UBE3D: variants seen among roughly 807,000 people sequenced by gnomAD.
UBE3D encodes the protein E3 ubiquitin-protein ligase E3D.
A neutral mutation model predicts 49.6 loss-of-function variants in UBE3D; 48 were observed. The ratio of observed to expected loss-of-function variants is 0.97; its 90% confidence interval spans 0.77 to 1.23. The LOEUF (loss-of-function observed/expected upper bound fraction) is 1.23. Ranked by LOEUF, UBE3D falls within the 50% of genes most tolerant of loss-of-function variation. The probability of loss-of-function intolerance (pLI) is 0.00; values close to 1 mark genes in which losing one functional copy is unlikely to be tolerated. For synonymous variants in UBE3D, 189 were observed against 174.2 expected, an observed-to-expected ratio of 1.08 and a Z score of -0.67; for missense variants, 452 against 468.4, an observed-to-expected ratio of 0.96 and a Z score of 0.32.
At chr6:83,018,693 C>G (rs1780863871) in intron 8 of UBE3D, 1 of 333,268 alleles carries the variant, frequency 3.0e-6, no homozygotes, top group Non-Finnish European at 5.4e-6. Flanking sequence ...ATATTCATCA[C>G]TGTTGAAGTC....
intron 1 of UBE3D, among the ~76,000 whole-genome samples, chr6:83,062,079 T>C (rs1190209693): frequency 6.6e-6 from 1 of 152,188 alleles, no homozygotes; most frequent in African/African-American, 2.4e-5. Flanking sequence ...CAAATATATA[T>C]TTATTTTGTA....
chr6:82,941,016 G>A (rs12195171), intron 9 of UBE3D, among the ~76,000 whole-genome samples: 24,363 of 152,002 alleles, frequency 0.16, 1,992 homozygotes, highest in South Asian at 0.17. Flanking sequence ...AGTTCAAGAC[G>A]AGCCTGGCCA....
downstream of UBE3D, among the ~76,000 whole-genome samples, chr6:82,890,945 T>C (rs1264695401): frequency 6.6e-6 from 1 of 152,192 alleles, no homozygotes; most frequent in African/African-American, 2.4e-5. Flanking sequence ...ATGCACAGGC[T>C]GAACTCTGCT....
At position 82,898,440 on chromosome 6, in the gene UBE3D, G is replaced by C. The variant is rs564946339; in HGVS notation, c.1150-5398C>G. Among the ~76,000 whole-genome samples, 33 of 152,266 alleles carry C rather than the reference G, an allele frequency of 2.2e-4. No individual in the cohort carries two copies. In the South Asian group the frequency reaches 6.8e-3, roughly 32 times the overall value. On this transcript the variant is annotated intron_variant, in intron 9 of 9. Transcript: ENST00000369747. ...CTTGGAACCAACACAAATGCCCATT[G>C]ATGATAGACTGAATAAAGAAAATGT... is the stretch of plus-strand genomic sequence containing the variant.
chr6:82,892,894 G>A lies in UBE3D; in HGVS notation c.*128C>T, dbSNP rs1320050135. On this transcript the variant is annotated 3_prime_UTR_variant, in exon 10 of 10. Coordinates refer to ENST00000369747, the MANE Select transcript of UBE3D (RefSeq NM_198920.3). ...AAACAAGTAAACTTAAAACTTCAAT[G>A]CAATGCTCTTATCCCATAGCTCTGG... 2.8e-6 allele frequency: 3 copies of A among 1,086,476 alleles called. No individual in the cohort carries two copies. The highest frequency in any genetic ancestry group is 1.7e-5 in the Admixed American group (1 of 58,316). The allele number at this position is 1,086,476 out of a possible 1,614,324, so 67.3% of individuals were successfully genotyped here. A position where few individuals can be genotyped will look rare whatever the true frequency, so the allele number is the denominator to read the frequency against.
At chr6:82,977,277 T>A (rs117308968) in intron 8 of UBE3D, among the ~76,000 whole-genome samples, 2,882 of 152,216 alleles carry the variant, frequency 0.019, 45 homozygotes, top group Non-Finnish European at 0.029. Flanking sequence ...TATGCCTATT[T>A]GTCTAATTTT....
At chr6:82,951,840 G>A (rs946682497) in intron 9 of UBE3D, among the ~76,000 whole-genome samples, 3 of 152,206 alleles carry the variant, frequency 2.0e-5, no homozygotes, top group Admixed American at 6.5e-5. Flanking sequence ...AAAAGAAAGA[G>A]ATGGTATCCT....
chr6:82,991,955 G>A (rs1438728595), intron 8 of UBE3D, among the ~76,000 whole-genome samples: 4 of 152,070 alleles, frequency 2.6e-5, no homozygotes, highest in African/African-American at 9.7e-5. Flanking sequence ...TAGTGTACCT[G>A]TAAAAGTCCC....
chr6:82,887,626 T>C (rs1307984255), downstream of UBE3D, among the ~76,000 whole-genome samples: 3 of 151,364 alleles, frequency 2.0e-5, no homozygotes, highest in African/African-American at 7.3e-5. Flanking sequence ...AGAGAATCAC[T>C]TGAACCCAGG....
rs1781277347 is a variant in UBE3D at position 83,023,961 on chromosome 6, AT to A, written c.737+7del. On this transcript the variant is annotated splice_region_variant and intron_variant, in intron 6 of 9. Transcript: ENST00000369747. ...TACAAATAAATAAATGTAATTTGCTATTTGTACCTTGGTATGATAGGAAAAC... is the reference window on the plus strand; with the variant it reads ...TACAAATAAATAAATGTAATTTGCTATTGTACCTTGGTATGATAGGAAAAC... 2.0e-6 allele frequency: 3 copies of A among 1,479,892 alleles called. No homozygotes were observed. Among genetic ancestry groups the A allele is most frequent in the Non-Finnish European group, 2.7e-6 (3 of 1,100,412 alleles). 91.7% of individuals were successfully genotyped at this position (1,479,892 alleles called of 1,614,324 possible).
chr6:82,907,115 G>T (rs373966521), intron 9 of UBE3D, among the ~76,000 whole-genome samples: 30 of 152,216 alleles, frequency 2.0e-4, no homozygotes, highest in Non-Finnish European at 2.1e-4. Context: ...CCAGAAAAAG[G>T]CTCACCACAA....
At chr6:83,028,076 C>T (rs1418858902) in intron 5 of UBE3D, among the ~76,000 whole-genome samples, 3 of 152,130 alleles carry the variant, frequency 2.0e-5, no homozygotes, top group African/African-American at 7.2e-5. Flanking sequence ...TCAATTATAA[C>T]ACTTTTTAAG....
At chr6:82,953,954 C>T (rs2127770072) in intron 9 of UBE3D, among the ~76,000 whole-genome samples, 1 of 152,266 alleles carries the variant, frequency 6.6e-6, no homozygotes, top group African/African-American at 2.4e-5. Context: ...GCAGAGTATT[C>T]TCCCAGTAGC....
chr6:82,999,933 G>C (rs548530254), intron 8 of UBE3D, among the ~76,000 whole-genome samples: 1 of 152,272 alleles, frequency 6.6e-6, no homozygotes, highest in African/African-American at 2.4e-5. Flanking sequence ...TCCAATGCAT[G>C]TTTTACATTC....
chr6:82,882,871 C>T, the UBE3D span, among the ~76,000 whole-genome samples: 53 of 152,238 alleles, frequency 3.5e-4, 1 homozygote, highest in Middle Eastern at 6.8e-3. Context: ...GTGCTTGCTC[C>T]GCCCCAATAA....
chr6:82,977,903 C>T (rs192894520), intron 8 of UBE3D, among the ~76,000 whole-genome samples: 59 of 152,202 alleles, frequency 3.9e-4, no homozygotes, highest in Admixed American at 1.4e-3. Context: ...ACTATAGGAC[C>T]CAGACTCATC....
chr6:82,967,035 C>G (rs1386815813), intron 8 of UBE3D, among the ~76,000 whole-genome samples: 1 of 151,930 alleles, frequency 6.6e-6, no homozygotes, highest in Non-Finnish European at 1.5e-5. Context: ...CTTTTATTTC[C>G]ATTCCCTGCC....
At chr6:82,929,223 C>T (rs1307614681) in intron 9 of UBE3D, among the ~76,000 whole-genome samples, 1 of 152,116 alleles carries the variant, frequency 6.6e-6, no homozygotes, top group Non-Finnish European at 1.5e-5. Flanking sequence ...CCATGTTTGT[C>T]TTACATAACT....
chr6:82,923,611 T>C (rs145497894), intron 9 of UBE3D, among the ~76,000 whole-genome samples: 1,580 of 152,280 alleles, frequency 0.01, 13 homozygotes, highest in Admixed American at 0.018. Flanking sequence ...AAATACCTAA[T>C]GTAGGTGACG....
Sources: gnomAD v4.1 joint callset for allele counts (sites outside exome capture counted in the v4.1 genomes callset) on GRCh38, gnomAD v4.1.1 for gene constraint, MANE v1.5 for transcripts, NCBI Gene and HGNC (gene_info 2026-07-23, HGNC 2026-07-21) for gene names.